Variants in KCNMB2 observed in about 807,000 individuals in gnomAD.
KCNMB2 encodes the protein potassium calcium-activated channel subfamily M regulatory beta subunit 2, also known as calcium-activated potassium channel subunit beta-2.
A neutral mutation model predicts 24.5 loss-of-function variants in KCNMB2; 9 were observed. That is an observed-to-expected ratio of 0.37 (90% CI 0.22 to 0.64). The LOEUF is 0.64. Ranked by LOEUF, KCNMB2 falls within the 30% of genes least tolerant of loss-of-function variation. KCNMB2 has a pLI of 0.63. For missense variants in KCNMB2, 226 were observed against 284.3 expected (o/e 0.79, Z 1.47); for synonymous variants, 109 against 104.4 (o/e 1.04, Z -0.27).
intron 1 of KCNMB2, among the ~76,000 whole-genome samples, chr3:178,540,090 C>T (rs998517645): frequency 2.6e-4 from 39 of 152,114 alleles, no homozygotes; most frequent in African/African-American, 7.5e-4. Context: ...AATCAAAGTT[C>T]GGAATTCCAC....
intron 1 of KCNMB2, among the ~76,000 whole-genome samples, chr3:178,569,003 T>A (rs1338728010): frequency 6.6e-6 from 1 of 152,162 alleles, no homozygotes; most frequent in East Asian, 1.9e-4. Flanking sequence ...TTCAAATACA[T>A]CCAACCAAAT....
At chr3:178,639,189 C>T (rs768181610) in intron 1 of KCNMB2, among the ~76,000 whole-genome samples, 17 of 152,144 alleles carry the variant, frequency 1.1e-4, no homozygotes, top group Non-Finnish European at 2.2e-4. Flanking sequence ...CTGTTTTATA[C>T]ACCTTGTAAT....
intron 1 of KCNMB2, among the ~76,000 whole-genome samples, chr3:178,576,259 C>T (rs1282272906): frequency 6.6e-6 from 1 of 151,936 alleles, no homozygotes; most frequent in Non-Finnish European, 1.5e-5. Context: ...GAACTCCCTC[C>T]CCTAGCCAAG....
At chr3:178,787,385 G>A (rs1341537382) in intron 1 of KCNMB2, among the ~76,000 whole-genome samples, 1 of 151,956 alleles carries the variant, frequency 6.6e-6, no homozygotes, top group African/African-American at 2.4e-5. Flanking sequence ...TGTTGCATAC[G>A]CACATATATG....
intron 1 of KCNMB2, among the ~76,000 whole-genome samples, chr3:178,622,102 A>G (rs1201194817): frequency 1.3e-5 from 2 of 152,248 alleles, no homozygotes; most frequent in African/African-American, 4.8e-5. Flanking sequence ...GCTGAGAACA[A>G]GATTGGCATA....
chr3:178,655,061 T>C (rs1045740597), intron 1 of KCNMB2, among the ~76,000 whole-genome samples: 2 of 148,846 alleles, frequency 1.3e-5, no homozygotes, highest in African/African-American at 5.0e-5. Flanking sequence ...GTATATAACA[T>C]GCTTAGTGTA....
At chr3:178,669,928 G>A (rs987837473) in intron 1 of KCNMB2, among the ~76,000 whole-genome samples, 1 of 152,024 alleles carries the variant, frequency 6.6e-6, no homozygotes, top group African/African-American at 2.4e-5. Flanking sequence ...AAGCAAGCAG[G>A]AAGTGGATAT....
intron 1 of KCNMB2, among the ~76,000 whole-genome samples, chr3:178,652,073 G>T (rs1720139956): frequency 6.6e-6 from 1 of 150,912 alleles, no homozygotes. Context: ...TGACAAATGG[G>T]ATCTAAATAA....
chr3:178,833,564 C>G (rs1397746267), intron 4 of KCNMB2, among the ~76,000 whole-genome samples: 3 of 152,104 alleles, frequency 2.0e-5, no homozygotes, highest in Non-Finnish European at 4.4e-5. Flanking sequence ...ACGTCAACTC[C>G]CCTTCCTGTT....
intron 1 of KCNMB2, among the ~76,000 whole-genome samples, chr3:178,783,260 G>A (rs1471124755): frequency 6.6e-6 from 1 of 151,536 alleles, no homozygotes; most frequent in Non-Finnish European, 1.5e-5. Flanking sequence ...GCTTAGGATT[G>A]ACTTGGCAAT....
chr3:178,597,022 C>T (rs998490542), intron 1 of KCNMB2, among the ~76,000 whole-genome samples: 1 of 152,120 alleles, frequency 6.6e-6, no homozygotes, highest in Non-Finnish European at 1.5e-5. Flanking sequence ...TCAGCCTTCA[C>T]AGGTGTGCCT....
chr3:178,830,282 G>A (rs1262611735), intron 4 of KCNMB2, among the ~76,000 whole-genome samples: 1 of 152,066 alleles, frequency 6.6e-6, no homozygotes, highest in Non-Finnish European at 1.5e-5. Context: ...ATTCCATTTG[G>A]TTACAGTTCA....
At chr3:178,833,487 T>C (rs1715117066) in intron 4 of KCNMB2, among the ~76,000 whole-genome samples, 1 of 152,184 alleles carries the variant, frequency 6.6e-6, no homozygotes, top group African/African-American at 2.4e-5. Flanking sequence ...CAAAAGGTCA[T>C]TAAACCATCT....
intron 1 of KCNMB2, among the ~76,000 whole-genome samples, chr3:178,759,205 TATATATA>T (rs1420533348): frequency 8.5e-6 from 1 of 117,946 alleles, no homozygotes; most frequent in Admixed American, 8.9e-5. Flanking sequence ...GAGGGATATA[TATATATA>T]ATATATCTAT....
chr3:178,661,702 T>C (rs1720535360), intron 1 of KCNMB2, among the ~76,000 whole-genome samples: 1 of 152,174 alleles, frequency 6.6e-6, no homozygotes, highest in Non-Finnish European at 1.5e-5. Context: ...TAGAATTACT[T>C]GGAAGCTTGC....
intron 2 of KCNMB2, among the ~76,000 whole-genome samples, chr3:178,811,378 AT>A (rs148947801): frequency 4.5e-4 from 68 of 152,002 alleles, no homozygotes; most frequent in African/African-American, 1.7e-4. Flanking sequence ...TCATTCCCCG[AT>A]TTTTTTTCAT....
intron 1 of KCNMB2, among the ~76,000 whole-genome samples, chr3:178,739,851 A>C (rs1723437441): frequency 6.6e-6 from 1 of 152,138 alleles, no homozygotes; most frequent in African/African-American, 2.4e-5. Flanking sequence ...TGCTATTAAT[A>C]ATTATGCTAG....
At chr3:178,713,480 T>A (rs1463988853) in intron 1 of KCNMB2, among the ~76,000 whole-genome samples, 1 of 152,206 alleles carries the variant, frequency 6.6e-6, no homozygotes, top group Non-Finnish European at 1.5e-5. Context: ...AGCAAAAATA[T>A]TTCTTAGAGA....
intron 1 of KCNMB2, among the ~76,000 whole-genome samples, chr3:178,660,034 TCA>T (rs1269882225): frequency 6.6e-6 from 1 of 152,100 alleles, no homozygotes; most frequent in Non-Finnish European, 1.5e-5. Flanking sequence ...AGTCTCTATA[TCA>T]AGCGTCAGCC....
Sources: gnomAD v4.1 joint callset for allele counts (sites outside exome capture counted in the v4.1 genomes callset) on GRCh38, gnomAD v4.1.1 for gene constraint, MANE v1.5 for transcripts, NCBI Gene and HGNC (gene_info 2026-07-23, HGNC 2026-07-21) for gene names.